Variants in SKAP2 observed in about 807,000 individuals in gnomAD.
The protein encoded by SKAP2 is src kinase-associated phosphoprotein 2.
In SKAP2, 28 loss-of-function variants were observed where a neutral mutation model predicts 54.9. The ratio of observed to expected loss-of-function variants is 0.51; its 90% confidence interval spans 0.38 to 0.70. The LOEUF (loss-of-function observed/expected upper bound fraction) is 0.70. SKAP2 is among the 30% of genes least tolerant of loss of function. SKAP2 has a pLI of 0.00. For synonymous variants in SKAP2, 137 were observed against 134.3 expected (o/e 1.02, Z -0.14); for missense variants, 356 against 424.1 (o/e 0.84, Z 1.41).
chr7:26,747,779 C>A (rs985685180), intron 4 of SKAP2, among the ~76,000 whole-genome samples: 2 of 151,618 alleles, frequency 1.3e-5, no homozygotes, highest in Non-Finnish European at 2.9e-5. Context: ...TCCTTTTCCC[C>A]CTCTTCCCTC....
intron 10 of SKAP2, 28 bp downstream of exon 10, chr7:26,690,257 T>G (rs1786752773): frequency 1.4e-6 from 2 of 1,473,240 alleles, no homozygotes; most frequent in Non-Finnish European, 1.9e-6. Context: ...CAAAATAAGG[T>G]TTGCCAAGAA....
At chr7:26,769,088 T>G (rs1783125353) in intron 4 of SKAP2, among the ~76,000 whole-genome samples, 1 of 152,224 alleles carries the variant, frequency 6.6e-6, no homozygotes, top group African/African-American at 2.4e-5. Context: ...CACTTTCAGG[T>G]ACACTAATCA....
At chr7:26,710,501 G>A (rs140331481) in intron 9 of SKAP2, among the ~76,000 whole-genome samples, 54 of 152,214 alleles carry the variant, frequency 3.5e-4, no homozygotes, top group East Asian at 2.5e-3. Flanking sequence ...CTGAACAAAC[G>A]GGACAGCATT....
chr7:26,685,820 G>A (rs1054148889), intron 10 of SKAP2, among the ~76,000 whole-genome samples: 1 of 152,132 alleles, frequency 6.6e-6, no homozygotes, highest in Admixed American at 6.6e-5. Context: ...CATGATAATT[G>A]AGTTTTGATG....
At chr7:26,720,641 T>C (rs1409716977) in intron 9 of SKAP2, among the ~76,000 whole-genome samples, 1 of 152,130 alleles carries the variant, frequency 6.6e-6, no homozygotes, top group Admixed American at 6.5e-5. Flanking sequence ...CAGTTTAGCA[T>C]GGTTAGGGAG....
chr7:26,815,800 T>C (rs1784254091), intron 4 of SKAP2, among the ~76,000 whole-genome samples: 1 of 152,166 alleles, frequency 6.6e-6, no homozygotes, highest in Non-Finnish European at 1.5e-5. Context: ...CCAAACTTAG[T>C]TGGGAATGAT....
chr7:26,757,803 C>A (rs1196749932), intron 4 of SKAP2, among the ~76,000 whole-genome samples: 1 of 152,108 alleles, frequency 6.6e-6, no homozygotes, highest in Non-Finnish European at 1.5e-5. Context: ...GCTCTGTCAC[C>A]CAGGCTGGAG....
chr7:26,810,785 G>A (rs545268281), intron 4 of SKAP2, among the ~76,000 whole-genome samples: 1 of 152,194 alleles, frequency 6.6e-6, no homozygotes, highest in Admixed American at 6.5e-5. Flanking sequence ...AGGTTCAAGC[G>A]ATTCTCCTGC....
chr7:26,725,666 A>G, intron 8 of SKAP2, 101 bp from the exon 9 acceptor site: 1 of 1,150,654 alleles, frequency 8.7e-7, no homozygotes, highest in African/African-American at 1.6e-5. Context: ...CAACAACAAT[A>G]TTGTTATATG....
intron 4 of SKAP2, among the ~76,000 whole-genome samples, chr7:26,794,121 C>CT (rs1310494129): frequency 2.0e-5 from 3 of 152,084 alleles, no homozygotes; most frequent in Non-Finnish European, 1.5e-5. Flanking sequence ...TAAGTTGATA[C>CT]TTTTTCTCAG....
At chr7:26,838,242 T>G (rs1784753100) in intron 4 of SKAP2, among the ~76,000 whole-genome samples, 1 of 152,098 alleles carries the variant, frequency 6.6e-6, no homozygotes. Flanking sequence ...GTAAATTCCT[T>G]AATTTGGCAT....
chr7:26,815,619 C>T (rs967264380), intron 4 of SKAP2, among the ~76,000 whole-genome samples: 7 of 152,060 alleles, frequency 4.6e-5, no homozygotes, highest in Non-Finnish European at 8.8e-5. Context: ...TACAGATTGG[C>T]AGTTCGACCC....
intron 9 of SKAP2, among the ~76,000 whole-genome samples, chr7:26,724,782 G>A (rs950629449): frequency 3.3e-5 from 5 of 151,990 alleles, no homozygotes; most frequent in African/African-American, 7.3e-5. Context: ...CCTCATGGCC[G>A]CAAGTCAAGT....
intron 3 of SKAP2, among the ~76,000 whole-genome samples, 162 bp downstream of exon 3, chr7:26,853,975 T>C (rs1201035056): frequency 3.9e-5 from 6 of 152,144 alleles, no homozygotes. Context: ...AATTTTCTTC[T>C]CAGCAGGGGG....
chr7:26,658,830 AC>A, the SKAP2 span, among the ~76,000 whole-genome samples: 8 of 128,878 alleles, frequency 6.2e-5, no homozygotes, highest in Non-Finnish European at 1.3e-4. Context: ...CCCACCCCCC[AC>A]CCCCCCACCA....
At chr7:26,693,846 G>A (rs1786839944) in intron 9 of SKAP2, among the ~76,000 whole-genome samples, 1 of 151,708 alleles carries the variant, frequency 6.6e-6, no homozygotes, top group South Asian at 2.1e-4. Context: ...CCATATAAAA[G>A]ATAACAAAAT....
chr7:26,701,443 C>T (rs1349467921), intron 9 of SKAP2, among the ~76,000 whole-genome samples: 1 of 152,016 alleles, frequency 6.6e-6, no homozygotes, highest in Non-Finnish European at 1.5e-5. Flanking sequence ...CTTTAAAATT[C>T]GCATTCAGGC....
At chr7:26,843,376 A>G (rs1460152753) in intron 4 of SKAP2, among the ~76,000 whole-genome samples, 1 of 152,092 alleles carries the variant, frequency 6.6e-6, no homozygotes, top group Non-Finnish European at 1.5e-5. Context: ...CTCAATGGCT[A>G]TAACAGAGAA....
At chr7:26,821,995 ATAAT>A (rs1004185187) in intron 4 of SKAP2, among the ~76,000 whole-genome samples, 2 of 152,164 alleles carry the variant, frequency 1.3e-5, no homozygotes, top group African/African-American at 2.4e-5. Context: ...CATTTGTCAG[ATAAT>A]TAATAATAAT....
Sources: allele counts gnomAD v4.1 joint callset (sites outside exome capture counted in the v4.1 genomes callset), GRCh38; gene constraint gnomAD v4.1.1; transcripts MANE v1.5; gene names NCBI Gene and HGNC (gene_info 2026-07-23, HGNC 2026-07-21).